The following FRMD4A variants were observed in gnomAD, a reference collection of about 807,000 sequenced individuals.
The protein encoded by FRMD4A is FERM domain containing 4A, also known as FERM domain-containing protein 4A.
FRMD4A carries 29 observed loss-of-function variants against 129.1 expected under a neutral mutation model. The observed-to-expected ratio is 0.22, with a 90% confidence interval of 0.17 to 0.31. The LOEUF is 0.31. Among genes scored for constraint, FRMD4A ranks in the 10% least tolerant of loss-of-function variants. The pLI, the probability that FRMD4A is intolerant of heterozygous loss-of-function variation, is 1.00. For missense variants in FRMD4A, 1,272 were observed against 1,375.8 expected (o/e 0.92, Z 1.19); for synonymous variants, 634 against 571.6 (o/e 1.11, Z -1.56).
chr10:14,120,952 G>A lies in FRMD4A; in HGVS notation c.45+209106C>T, dbSNP rs557380861. On this transcript the variant is annotated intron_variant, in intron 2 of 24. Transcript: ENST00000357447. Reference sequence around the variant, plus strand: ...CTCTCCTCCCTGACTGGAAAGCAATGGGATTTAAGAGCAGTTTTCTGGGTG... The same window carrying A: ...CTCTCCTCCCTGACTGGAAAGCAATAGGATTTAAGAGCAGTTTTCTGGGTG... 2.0e-5 allele frequency among the ~76,000 whole-genome samples: 3 copies of A among 152,296 alleles called. No homozygotes were observed. The South Asian group carries it at 6.2e-4, about 32-fold the overall frequency.
At chr10:13,798,226 C>T (rs1293894755) in intron 4 of FRMD4A, among the ~76,000 whole-genome samples, 1 of 152,044 alleles carries the variant, frequency 6.6e-6, no homozygotes, top group Admixed American at 6.5e-5. Context: ...GCCTGGCCAA[C>T]ATGGTGAAAC....
chr10:13,862,662 C>T (rs900272298), intron 2 of FRMD4A, among the ~76,000 whole-genome samples: 5 of 152,210 alleles, frequency 3.3e-5, no homozygotes, highest in African/African-American at 1.2e-4. Context: ...AACAGACTCA[C>T]CTTTGAATCA....
intron 2 of FRMD4A, among the ~76,000 whole-genome samples, chr10:13,873,628 C>G (rs2094461378): frequency 6.6e-6 from 1 of 152,170 alleles, no homozygotes; most frequent in East Asian, 1.9e-4. Context: ...CTCACTGCAA[C>G]CTCTGTCTCC....
In FRMD4A at chr10:13,796,426, A is replaced by T; in HGVS notation, c.299+70T>A. ...ACTTGAGCTCTCTTTCCTTGGAATC[A>T]CTCTGCCCTCCCAGACTTCCCTGAT... On this transcript the variant is annotated intron_variant, in intron 5 of 24. Transcript: ENST00000357447. 3.8e-6 allele frequency: 3 copies of T among 799,120 alleles called. No homozygotes were observed. In the South Asian group the frequency reaches 4.2e-5, roughly 11 times the overall value. 49.5% of individuals were successfully genotyped at this position (799,120 alleles called of 1,614,324 possible).
chr10:13,737,056 T>C (rs1441912389), intron 12 of FRMD4A, among the ~76,000 whole-genome samples: 1 of 150,518 alleles, frequency 6.6e-6, no homozygotes, highest in Non-Finnish European at 1.5e-5. Flanking sequence ...ATGTGCTGGA[T>C]TTCCAGGAAA....
At position 14,121,797 on chromosome 10, in the gene FRMD4A, G is replaced by T. The variant is rs767148615; in HGVS notation, c.45+208261C>A. 2.0e-5 allele frequency among the ~76,000 whole-genome samples: 3 copies of T among 152,166 alleles called. No individual in the cohort carries two copies. In the South Asian group the frequency reaches 6.2e-4, roughly 31 times the overall value. ...TAGGGTTGACAGCGTGAACTTGGGG[G>T]CCATTCCGGCTGGCTTTGAACCTAG... On this transcript the variant is annotated intron_variant, in intron 2 of 24. Transcript: ENST00000357447.
intron 18 of FRMD4A, among the ~76,000 whole-genome samples, chr10:13,665,826 G>A (rs1291675551): frequency 1.3e-5 from 2 of 152,254 alleles, no homozygotes; most frequent in East Asian, 3.8e-4. Flanking sequence ...TGAGAAGAAT[G>A]CTAGCTCCTG....
At chr10:13,648,401 G>A (rs570135262) in intron 24 of FRMD4A, among the ~76,000 whole-genome samples, 1 of 152,268 alleles carries the variant, frequency 6.6e-6, no homozygotes, top group Non-Finnish European at 1.5e-5. Flanking sequence ...GGGCCTTGCA[G>A]GGGTCCTATG....
chr10:13,887,342 C>T (rs1337039181), intron 2 of FRMD4A, among the ~76,000 whole-genome samples: 1 of 152,148 alleles, frequency 6.6e-6, no homozygotes, highest in Non-Finnish European at 1.5e-5. Flanking sequence ...GGAAGATGAA[C>T]AATGTTTCTC....
chr10:13,892,134 G>A (rs1353515192), intron 2 of FRMD4A, among the ~76,000 whole-genome samples: 1 of 151,712 alleles, frequency 6.6e-6, no homozygotes, highest in African/African-American at 2.4e-5. Context: ...TCCCGGTGAG[G>A]CTGCGCGCGT....
At chr10:13,815,962 C>T (rs978268057) in intron 3 of FRMD4A, among the ~76,000 whole-genome samples, 1 of 152,172 alleles carries the variant, frequency 6.6e-6, no homozygotes, top group East Asian at 1.9e-4. Flanking sequence ...TGTCACACTA[C>T]AATAAGAAAA....
intron 2 of FRMD4A, among the ~76,000 whole-genome samples, chr10:13,949,822 G>T (rs539933533): frequency 1.3e-5 from 2 of 152,292 alleles, no homozygotes; most frequent in East Asian, 3.9e-4. Context: ...TAGGTTTTCT[G>T]ACAAGGCTCA....
intron 3 of FRMD4A, among the ~76,000 whole-genome samples, chr10:13,844,467 AT>A (rs1033734138): frequency 9.8e-5 from 15 of 152,294 alleles, no homozygotes; most frequent in Admixed American, 2.6e-4. Context: ...GATTGACACT[AT>A]TTTAAGAAGA....
At chr10:13,761,176 G>C (rs1486190565) in intron 8 of FRMD4A, among the ~76,000 whole-genome samples, 1 of 152,168 alleles carries the variant, frequency 6.6e-6, no homozygotes, top group Non-Finnish European at 1.5e-5. Context: ...AAGCAGAGGT[G>C]GGGTATTTTT....
At chr10:13,978,373 C>T (rs1277231492) in intron 2 of FRMD4A, among the ~76,000 whole-genome samples, 1 of 152,136 alleles carries the variant, frequency 6.6e-6, no homozygotes, top group Admixed American at 6.5e-5. Flanking sequence ...CCCAGAATGT[C>T]CTCTTCCTCT....
At chr10:14,225,344 A>T (rs2131978912) in intron 2 of FRMD4A, among the ~76,000 whole-genome samples, 1 of 152,344 alleles carries the variant, frequency 6.6e-6, no homozygotes, top group East Asian at 1.9e-4. Context: ...CACCTAATGG[A>T]TTAAAGCAGA....
intron 2 of FRMD4A, chr10:13,971,974 C>T (rs998400653): frequency 2.5e-6 from 3 of 1,193,456 alleles, no homozygotes; most frequent in Non-Finnish European, 3.2e-6. Context: ...CTCACCACCA[C>T]CCTCACTAAT....
rs147549252 is a variant in FRMD4A, at chr10:13,659,400, C to A, written c.1989G>T (p.Pro663=). The A allele has an allele frequency of 1.2e-6, 2 of 1,613,928 alleles. No individual in the cohort carries two copies. Residue 663 remains proline, a synonymous_variant, in exon 21 of 25, where the codon CCG becomes CCT. Transcript: ENST00000357447. ...GCATGCTGGACTGGGAGTTCCAGTG[C>A]GGGAGGCCGCGGATGGGGCTGTTCT... ...SLQNSPIRGL[P]HWNSQSSMPS...
chr10:13,863,729 A>T (rs2094325233), intron 2 of FRMD4A, among the ~76,000 whole-genome samples: 1 of 150,674 alleles, frequency 6.6e-6, no homozygotes, highest in Admixed American at 6.6e-5. Context: ...ACTCCACCTC[A>T]CCCAAATATG....
Sources: allele counts gnomAD v4.1 joint callset (sites outside exome capture counted in the v4.1 genomes callset), GRCh38; gene constraint gnomAD v4.1.1; transcripts MANE v1.5; gene names NCBI Gene and HGNC (gene_info 2026-07-23, HGNC 2026-07-21).